The following FRMD3 variants were observed in gnomAD, a reference collection of about 807,000 sequenced individuals.
FRMD3 encodes FERM domain-containing protein 3.
FRMD3 carries 33 observed loss-of-function variants against 70.2 expected under a neutral mutation model. The observed-to-expected ratio is 0.47, with a 90% CI of 0.36 to 0.63. The LOEUF (loss-of-function observed/expected upper bound fraction) is 0.63, where lower values mean the gene tolerates loss of function less well. Among genes scored for constraint, FRMD3 ranks in the 20% least tolerant of loss-of-function variants. FRMD3 has a pLI of 0.00. For synonymous variants in FRMD3, 279 were observed against 255.9 expected, an observed-to-expected ratio of 1.09 and a Z score of -0.86; for missense variants, 632 against 711.4, an observed-to-expected ratio of 0.89 and a Z score of 1.27.
At chr9:83,254,751 C>G (rs1315866534) in intron 13 of FRMD3, among the ~76,000 whole-genome samples, 1 of 152,160 alleles carries the variant, frequency 6.6e-6, no homozygotes, top group African/African-American at 2.4e-5. Context: ...ACAAATACCT[C>G]TATGCACATG....
intron 13 of FRMD3, among the ~76,000 whole-genome samples, chr9:83,260,379 AAGG>A (rs1832928626): frequency 6.6e-6 from 1 of 152,158 alleles, no homozygotes; most frequent in Admixed American, 6.5e-5. Context: ...GGCTGAAGAG[AAGG>A]AGATCTGAGA....
intron 1 of FRMD3, among the ~76,000 whole-genome samples, chr9:83,465,414 G>A (rs1434831230): frequency 6.6e-6 from 1 of 152,142 alleles, no homozygotes; most frequent in African/African-American, 2.4e-5. Flanking sequence ...AACACAGAGA[G>A]ACCCTGTATC....
chr9:83,420,014 A>G (rs1826585337), intron 1 of FRMD3, among the ~76,000 whole-genome samples: 1 of 152,230 alleles, frequency 6.6e-6, no homozygotes, highest in African/African-American at 2.4e-5. Context: ...ATTCCTCAGT[A>G]GCCTAAGATG....
intron 6 of FRMD3, among the ~76,000 whole-genome samples, chr9:83,316,161 C>CTTTTTTTTTTTT (rs34851421): frequency 8.9e-6 from 1 of 112,604 alleles, no homozygotes; most frequent in African/African-American, 3.7e-5. Flanking sequence ...TTTTTTTTTT[C>CTTTTTTTTTTTT]TTTTTTTTTT....
At chr9:83,253,948 A>G (rs1832551068) in intron 13 of FRMD3, among the ~76,000 whole-genome samples, 1 of 152,194 alleles carries the variant, frequency 6.6e-6, no homozygotes, top group Non-Finnish European at 1.5e-5. Context: ...AAAAATGATG[A>G]GTTCATGTCC....
At chr9:83,283,545 AAAATAAT>A (rs1334530598) in intron 13 of FRMD3, among the ~76,000 whole-genome samples, 10 of 25,170 alleles carry the variant, frequency 4.0e-4, no homozygotes, top group East Asian at 1.3e-3. Flanking sequence ...AAAAAAAAAA[AAAATAAT>A]AATAATAATA....
intron 10 of FRMD3, among the ~76,000 whole-genome samples, chr9:83,308,687 G>A (rs956813728): frequency 1.3e-5 from 2 of 152,190 alleles, no homozygotes; most frequent in African/African-American, 2.4e-5. Flanking sequence ...TTTGAAACCT[G>A]AGAGCTTTAC....
rs552723827 is a variant in FRMD3 at position 83,331,166 on chromosome 9, G to A, written c.596+4350C>T. On this transcript the variant is annotated intron_variant, in intron 6 of 13. Coordinates refer to ENST00000304195, the MANE Select transcript of FRMD3 (RefSeq NM_174938.6). ...AACCTACACACAGTTATTTATAGCA[G>A]CCTTATTCATAATTGCTCAAACTTG... Among the ~76,000 whole-genome samples the A allele has an allele frequency of 2.6e-5, 4 of 152,298 alleles. No homozygotes were observed. In the South Asian group the frequency reaches 8.3e-4, roughly 32 times the overall value.
chr9:83,552,645 G>C, the FRMD3 span, among the ~76,000 whole-genome samples: 4 of 152,106 alleles, frequency 2.6e-5, no homozygotes, highest in East Asian at 7.7e-4. Flanking sequence ...GAATCTGGGT[G>C]CTCCTGTGTT....
At chr9:83,282,031 CAAG>C (rs1337153247) in intron 13 of FRMD3, among the ~76,000 whole-genome samples, 2 of 152,192 alleles carry the variant, frequency 1.3e-5, no homozygotes, top group Non-Finnish European at 2.9e-5. Context: ...TCTGTTTCAG[CAAG>C]AAGGAGTTGA....
At chr9:83,325,361 C>T (rs538035020) in intron 6 of FRMD3, among the ~76,000 whole-genome samples, 1 of 152,294 alleles carries the variant, frequency 6.6e-6, no homozygotes, top group Admixed American at 6.5e-5. Context: ...GGGTCTCACT[C>T]TATCGCCCAG....
chr9:83,271,881 T>C (rs1278327327), intron 13 of FRMD3, among the ~76,000 whole-genome samples: 1 of 152,206 alleles, frequency 6.6e-6, no homozygotes, highest in Non-Finnish European at 1.5e-5. Context: ...ACCACTGTTC[T>C]CAGTAGCTCT....
intron 1 of FRMD3, among the ~76,000 whole-genome samples, chr9:83,469,326 C>G (rs1024589487): frequency 3.3e-5 from 5 of 152,166 alleles, no homozygotes; most frequent in Admixed American, 1.3e-4. Context: ...CAAAAGCAAT[C>G]CAGTAGGGAT....
chr9:83,374,422 G>A (rs535285348), intron 2 of FRMD3, among the ~76,000 whole-genome samples: 1 of 152,048 alleles, frequency 6.6e-6, no homozygotes, highest in South Asian at 2.1e-4. Context: ...AGGTTGCACA[G>A]ACAAACTGAA....
At chr9:83,540,683 C>G (rs532639461), upstream of FRMD3, among the ~76,000 whole-genome samples, 1 of 152,242 alleles carries the variant, frequency 6.6e-6, no homozygotes, top group Non-Finnish European at 1.5e-5. Context: ...TTAGGAAGAA[C>G]TCAAAGAATG....
At chr9:83,365,023 A>T (rs1166248315) in intron 3 of FRMD3, among the ~76,000 whole-genome samples, 5 of 152,124 alleles carry the variant, frequency 3.3e-5, no homozygotes, top group Non-Finnish European at 7.3e-5. Flanking sequence ...CTTAATTACT[A>T]TATGTGTCTC....
chr9:83,358,672 GTATTTATT>G (rs34830442), intron 3 of FRMD3, among the ~76,000 whole-genome samples: 16,050 of 142,944 alleles, frequency 0.11, 918 homozygotes, highest in East Asian at 0.15. Context: ...ATATTCTTAA[GTATTTATT>G]TATTTATTTA....
intron 13 of FRMD3, among the ~76,000 whole-genome samples, chr9:83,266,736 C>T (rs1171227303): frequency 6.6e-6 from 1 of 152,104 alleles, no homozygotes; most frequent in Non-Finnish European, 1.5e-5. Context: ...CCACTGCCTC[C>T]CTCTCCCTCC....
In FRMD3 at chr9:83,247,224, AC is replaced by A. The variant is rs1280013902; in HGVS notation, c.*693del. ...AGCTTACTTACTATAGTGTCTTTCT[AC>A]CCATTTTCTATCTCCTATGCAGATC... On this transcript the variant is annotated 3_prime_UTR_variant, in exon 14 of 14. Coordinates refer to ENST00000304195, the MANE Select transcript of FRMD3 (RefSeq NM_174938.6). The A allele has an allele frequency of 2.0e-6, 2 of 985,144 alleles. No individual in the cohort carries two copies. The highest frequency in any genetic ancestry group is 2.3e-4 in the East Asian group (2 of 8,818). 61.0% of individuals were successfully genotyped at this position (985,144 alleles called of 1,614,324 possible). A position where few individuals can be genotyped will look rare whatever the true frequency, so the allele number is the denominator to read the frequency against.
Sources: gnomAD v4.1 joint callset for allele counts (sites outside exome capture counted in the v4.1 genomes callset) on GRCh38, gnomAD v4.1.1 for gene constraint, MANE v1.5 for transcripts, NCBI Gene and HGNC (gene_info 2026-07-23, HGNC 2026-07-21) for gene names.